The following LRRC37A variants were observed in gnomAD, a reference collection of about 807,000 sequenced individuals.
The protein encoded by LRRC37A is leucine rich repeat containing 37A.
LRRC37A carries 3 observed loss-of-function variants against 35.4 expected under a neutral mutation model. The ratio of observed to expected loss-of-function variants is 0.08; its 90% CI spans 0.04 to 0.22. The LOEUF (loss-of-function observed/expected upper bound fraction) is 0.22, where lower values mean the gene tolerates loss of function less well. LRRC37A is among the 10% of genes least tolerant of loss of function. LRRC37A has a pLI of 1.00. For missense variants in LRRC37A, 67 were observed against 565.3 expected (o/e 0.12, Z 8.94); for synonymous variants, 23 against 215.0 (o/e 0.11, Z 7.81).
chr17:46,276,327 T>C, the LRRC37A span, among the ~76,000 whole-genome samples: 21,745 of 152,074 alleles, frequency 0.14, 1,887 homozygotes, highest in Non-Finnish European at 0.22. Context: ...AATTTTTAAA[T>C]ACATTGTTTC....
chr17:46,250,761 AC>A, the LRRC37A span, among the ~76,000 whole-genome samples: 7 of 152,188 alleles, frequency 4.6e-5, no homozygotes, highest in Non-Finnish European at 1.5e-5. Flanking sequence ...ACGCTCAGTG[AC>A]TCACACCTGT....
At chr17:46,255,062 C>G in the LRRC37A span, among the ~76,000 whole-genome samples, 2 of 152,104 alleles carry the variant, frequency 1.3e-5, no homozygotes, top group Non-Finnish European at 2.9e-5. Context: ...TCTCAAACTC[C>G]CGACTTCAGG....
chr17:46,267,268 A>G, the LRRC37A span: 2 of 1,046,022 alleles, frequency 1.9e-6, no homozygotes, highest in South Asian at 1.7e-5. Context: ...GCTAAAAACC[A>G]ACGCCCAGGG....
At chr17:46,267,161 G>GGCCGCCGC in the LRRC37A span, 1 of 556,764 alleles carries the variant, frequency 1.8e-6, no homozygotes. Flanking sequence ...CGGTGAGCCC[G>GGCCGCCGC]GCCGCCGCGC....
chr17:46,279,473 C>T, the LRRC37A span, among the ~76,000 whole-genome samples: 1 of 151,014 alleles, frequency 6.6e-6, no homozygotes, highest in Non-Finnish European at 1.5e-5. Context: ...CATGAGCCAC[C>T]GCACCTGGCC....
chr17:46,276,249 CTTTATATTGCAATAGCAGATAAA>C, the LRRC37A span, among the ~76,000 whole-genome samples: 2 of 152,336 alleles, frequency 1.3e-5, no homozygotes, highest in South Asian at 2.1e-4. Context: ...AGTCAAAGGA[CTTTATATTGCAATAGCAGATAAA>C]TTTATATTGC....
chr17:46,305,396 A>G (rs1214412783), intron 3 of LRRC37A, 113 bp from the exon 4 acceptor site: 1 of 371,964 alleles, frequency 2.7e-6, no homozygotes, highest in African/African-American at 2.0e-5. Flanking sequence ...TACAAGTCCA[A>G]ACGTTTAGAG....
At chr17:46,250,350 C>G in the LRRC37A span, among the ~76,000 whole-genome samples, 3 of 152,332 alleles carry the variant, frequency 2.0e-5, no homozygotes, top group East Asian at 5.8e-4. Flanking sequence ...TGAGTGCCAA[C>G]TTGATTGGAT....
chr17:46,251,382 C>T, the LRRC37A span, among the ~76,000 whole-genome samples: 1 of 152,076 alleles, frequency 6.6e-6, no homozygotes, highest in African/African-American at 2.4e-5. Context: ...CCTCAGCCTC[C>T]CGAGTAGCTG....
the LRRC37A span, among the ~76,000 whole-genome samples, chr17:46,261,613 ATGTTGGTCAGGCTGGTCTCAAACGCC>A: frequency 6.6e-6 from 1 of 151,838 alleles, no homozygotes; most frequent in African/African-American, 2.4e-5. Context: ...GGGTTTCTCC[ATGTTGGTCAGGCTGGTCTCAAACGCC>A]TGACCTCAGG....
the LRRC37A span, among the ~76,000 whole-genome samples, chr17:46,255,973 C>T: frequency 5.3e-5 from 8 of 152,110 alleles, no homozygotes. Flanking sequence ...CCACACCCGG[C>T]CTCGGCCCCC....
chr17:46,260,746 C>T, the LRRC37A span: 1 of 716,142 alleles, frequency 1.4e-6, no homozygotes. Context: ...GCCTCAGCCT[C>T]CCAAGTAGCT....
At chr17:46,250,949 G>A in the LRRC37A span, among the ~76,000 whole-genome samples, 2 of 151,356 alleles carry the variant, frequency 1.3e-5, no homozygotes, top group Non-Finnish European at 2.9e-5. Flanking sequence ...TTTGAGAAAG[G>A]TTCTCCCTCT....
chr17:46,280,569 C>CTTTTTTT, the LRRC37A span, among the ~76,000 whole-genome samples: 93 of 111,994 alleles, frequency 8.3e-4, 6 homozygotes, highest in Non-Finnish European at 1.2e-3. Context: ...TGATAGCACA[C>CTTTTTTT]TTTTTTTTTT....
At chr17:46,282,425 T>G in the LRRC37A span, among the ~76,000 whole-genome samples, 1 of 151,552 alleles carries the variant, frequency 6.6e-6, no homozygotes, top group African/African-American at 2.4e-5. Flanking sequence ...TTGTTTTTTT[T>G]TTTTAAACAG....
chr17:46,250,482 T>C, the LRRC37A span, among the ~76,000 whole-genome samples: 2 of 152,168 alleles, frequency 1.3e-5, no homozygotes, highest in Admixed American at 6.5e-5. Flanking sequence ...CACAAGCTAA[T>C]CAGCTGCCAG....
the LRRC37A span, among the ~76,000 whole-genome samples, chr17:46,250,565 T>G: frequency 6.6e-6 from 1 of 152,242 alleles, no homozygotes; most frequent in Non-Finnish European, 1.5e-5. Flanking sequence ...CTTCCTCCCG[T>G]GCTGGATGCT....
chr17:46,279,959 G>A, the LRRC37A span, among the ~76,000 whole-genome samples: 3 of 152,200 alleles, frequency 2.0e-5, no homozygotes, highest in Admixed American at 6.6e-5. Flanking sequence ...TCTGGGGAGT[G>A]CTCCATTCTC....
the LRRC37A span, among the ~76,000 whole-genome samples, chr17:46,261,173 G>A: frequency 3.9e-5 from 6 of 152,120 alleles, no homozygotes; most frequent in Non-Finnish European, 7.3e-5. Flanking sequence ...ACTTACTTAC[G>A]TAACCAAACA....
Sources: allele counts gnomAD v4.1 joint callset (sites outside exome capture counted in the v4.1 genomes callset), GRCh38; gene constraint gnomAD v4.1.1; transcripts MANE v1.5; gene names NCBI Gene and HGNC (gene_info 2026-07-23, HGNC 2026-07-21).